The following CPT1C variants were observed in gnomAD, a reference collection of about 807,000 sequenced individuals.
CPT1C encodes palmitoyl thioesterase CPT1C.
In CPT1C, 61 loss-of-function variants were observed where a neutral mutation model predicts 97.3. The ratio of observed to expected loss-of-function variants is 0.63; its 90% CI spans 0.51 to 0.78. The LOEUF (loss-of-function observed/expected upper bound fraction) is 0.78, where lower values mean the gene tolerates loss of function less well. Among genes scored for constraint, CPT1C ranks in the 30% least tolerant of loss-of-function variants. CPT1C has a pLI of 0.00. For synonymous variants in CPT1C, 469 were observed against 447.2 expected (o/e 1.05, Z -0.61); for missense variants, 975 against 1,065.5 (o/e 0.92, Z 1.18).
intron 3 of CPT1C, among the ~76,000 whole-genome samples, chr19:49,695,090 G>C (rs557852391): frequency 6.7e-6 from 1 of 150,098 alleles, no homozygotes; most frequent in Non-Finnish European, 1.5e-5. Context: ...GCAGTGAGCC[G>C]AGATCGTGCC....
chr19:49,712,643 A>G (rs1016708867), intron 17 of CPT1C, 93 bp from the exon 18 acceptor site: 1 of 833,860 alleles, frequency 1.2e-6, no homozygotes, highest in East Asian at 2.8e-5. Context: ...ATTTACGGGT[A>G]AAAAAAAAGC....
At chr19:49,713,371 A>AGGATCCCATCTCCCAGCTTCCC (rs765455790) in intron 19 of CPT1C, 49 bp from the exon 20 acceptor site, 1 of 1,527,596 alleles carries the variant, frequency 6.5e-7, no homozygotes, top group Admixed American at 1.9e-5. Flanking sequence ...CTCAGCCTCC[A>AGGATCCCATCTCCCAGCTTCCC]GGATCCCATC....
At chr19:49,699,787 T>C (rs1404693087) in intron 4 of CPT1C, among the ~76,000 whole-genome samples, 3 of 152,106 alleles carry the variant, frequency 2.0e-5, no homozygotes, top group Non-Finnish European at 2.9e-5. Flanking sequence ...AAACCCTCTC[T>C]ACTAAAAATG....
chr19:49,701,889 T>TACAA (rs2083094181), intron 7 of CPT1C, among the ~76,000 whole-genome samples: 2 of 110,496 alleles, frequency 1.8e-5, no homozygotes, highest in South Asian at 4.8e-4. Context: ...AATATATATA[T>TACAA]TTATTTATAA....
intron 3 of CPT1C, among the ~76,000 whole-genome samples, chr19:49,693,627 A>G (rs1287369689): frequency 6.6e-6 from 1 of 152,156 alleles, no homozygotes. Context: ...GCAGATATCA[A>G]CAGACAGAAT....
chr19:49,701,249 C>A, intron 5 of CPT1C, 68 bp from the exon 6 acceptor site: 2 of 1,351,878 alleles, frequency 1.5e-6, no homozygotes, highest in Admixed American at 4.0e-5. Flanking sequence ...GTCCCACTGT[C>A]GACCCCTGCC....
chr19:49,708,870 A>G, intron 14 of CPT1C, 31 bp downstream of exon 14: 1 of 1,388,092 alleles, frequency 7.2e-7, no homozygotes, highest in Non-Finnish European at 1.0e-6. Context: ...CTCTCCTCCA[A>G]GTCCCAAGAT....
chr19:49,709,848 G>A (rs1255072524), intron 14 of CPT1C, among the ~76,000 whole-genome samples: 3 of 146,652 alleles, frequency 2.0e-5, no homozygotes, highest in Non-Finnish European at 3.0e-5. Flanking sequence ...GAGCCACCGC[G>A]CCCGGCATTT....
chr19:49,699,097 C>T (rs1028595063), intron 4 of CPT1C, among the ~76,000 whole-genome samples: 6 of 151,694 alleles, frequency 4.0e-5, no homozygotes, highest in South Asian at 2.1e-4. Context: ...AGAGAGACTC[C>T]GTCTCAATTA....
At position 49,710,430 on chromosome 19, in the gene CPT1C, C is replaced by G; in HGVS notation, c.1677C>G (p.Cys559Trp). 2 of 1,614,198 alleles carry G rather than the reference C, an allele frequency of 1.2e-6. No individual in the cohort carries two copies. The highest frequency in any genetic ancestry group is 1.7e-6 in the Non-Finnish European group (2 of 1,180,048). The change falls in exon 15 of 20, where the codon TGC becomes TGG. Residue 559 changes from cysteine to tryptophan, a missense_variant. Around this residue, in one of 3 missense-constraint regions of CPT1C, gnomAD observed 344 missense variants for 395.7 expected, o/e 0.87. Transcript: ENST00000598293. ...TTGGCAAGAGCTTCATCCGACGCTG[C>G]CACCTCTCTTCAGACAGCTTCATCC... ...SLFGKSFIRR[C>W]HLSSDSFIQI...
chr19:49,700,916 C>T (rs1261799212), intron 5 of CPT1C, 61 bp downstream of exon 5: 1 of 1,549,360 alleles, frequency 6.5e-7, no homozygotes, highest in Non-Finnish European at 8.8e-7. Flanking sequence ...ATTCCCCTCT[C>T]TCTGGGTCTC....
intron 17 of CPT1C, 98 bp downstream of exon 17, chr19:49,712,059 A>G: frequency 6.9e-7 from 1 of 1,441,144 alleles, no homozygotes. Context: ...AGGACCCATC[A>G]AGGCCGGGCA....
chr19:49,708,773 C>T lies in CPT1C; in HGVS notation c.1500C>T (p.His500=), dbSNP rs2083661143. The change falls in exon 14 of 20, where the codon CAC becomes CAT. Residue 500 remains histidine (H), a synonymous_variant. Coordinates refer to ENST00000598293, the MANE Select transcript of CPT1C (RefSeq NM_001199753.2). ...AGCTGGGCTACTCAACAGACGGCCACTGCAAGGGGCACCCGGACCCCACAC... is the reference window on the plus strand; with the variant it reads ...AGCTGGGCTACTCAACAGACGGCCATTGCAAGGGGCACCCGGACCCCACAC... ...CFQLGYSTDG[H]CKGHPDPTLP... is the part of the protein sequence containing the mutation. 6.2e-7 allele frequency: 1 copy of T among 1,614,052 alleles called. No individual in the cohort carries two copies. The highest frequency in any genetic ancestry group is 8.5e-7 in the Non-Finnish European group (1 of 1,179,996).
chr19:49,702,046 T>C, intron 7 of CPT1C, among the ~76,000 whole-genome samples: 1 of 93,028 alleles, frequency 1.1e-5, no homozygotes, highest in South Asian at 2.8e-4. Flanking sequence ...TATTTATTTA[T>C]AAATTATAAA....
intron 10 of CPT1C, among the ~76,000 whole-genome samples, chr19:49,705,575 C>A (rs768786440): frequency 6.6e-6 from 1 of 151,978 alleles, no homozygotes; most frequent in Non-Finnish European, 1.5e-5. Context: ...CCTAGGGCAA[C>A]GTAGTGAGAT....
rs764830492 is a variant in CPT1C at position 49,697,323 on chromosome 19, C to A, written c.142-3C>A. Reference sequence around the variant, plus strand: ...TTCAATGGATGCCCTTTCCTCCCCACAGAATGACTTTCTCACCGGTGTGTT... The same window carrying A: ...TTCAATGGATGCCCTTTCCTCCCCAAAGAATGACTTTCTCACCGGTGTGTT... On this transcript the variant is annotated splice_polypyrimidine_tract_variant and splice_region_variant and intron_variant, in intron 3 of 19. Coordinates refer to ENST00000598293, the MANE Select transcript of CPT1C (RefSeq NM_001199753.2). 6.2e-6 allele frequency: 10 copies of A among 1,613,894 alleles called. No individual in the cohort carries two copies. The highest frequency in any genetic ancestry group is 8.5e-6 in the Non-Finnish European group (10 of 1,180,018).
Position 49,704,781 on chromosome 19 carries a change from C to T in CPT1C, c.765C>T (p.Tyr255=). The change falls in exon 8 of 20, where the codon TAC becomes TAT. Residue 255 remains tyrosine (Y), a synonymous_variant. Coordinates refer to ENST00000598293, the MANE Select transcript of CPT1C (RefSeq NM_001199753.2). ...RNPLMVNSNY[Y]MMDFLYVTPT... ...CGCTGATGGTGAACAGCAACTATTA[C>T]ATGATGGTGAGAAGGGGAGGGGTGA... 1 of 1,613,926 alleles carries T rather than the reference C, an allele frequency of 6.2e-7. No homozygotes were observed. Among genetic ancestry groups the T allele is most frequent in the East Asian group, 2.2e-5 (1 of 44,874 alleles).
chr19:49,708,039 CTG>C lies in CPT1C; in HGVS notation c.1449+417_1449+418del, dbSNP rs905510321. On this transcript the variant is annotated intron_variant, in intron 13 of 19. Coordinates refer to ENST00000598293, the MANE Select transcript of CPT1C (RefSeq NM_001199753.2). ...AAAAAAAAAAAAAAGAAAAGAAAAA[CTG>C]AGGCTCAGGGAGAGGCAGAGGCTGG... Among the ~76,000 whole-genome samples, 50 of 133,746 alleles carry C rather than the reference CTG, an allele frequency of 3.7e-4. No individual in the cohort carries two copies. In the South Asian group the frequency reaches 4.2e-3, roughly 11 times the overall value. 87.7% of individuals were successfully genotyped at this position (133,746 alleles called of 152,430 possible).
chr19:49,692,032 C>G lies in CPT1C; in HGVS notation c.-15+143C>G, dbSNP rs556903465. The stretch of plus-strand genomic sequence containing the variant: ...AGGGAGGAGGGGCTGGGGGCCTGGA[C>G]TCCTGGATCTGAGAGAGGAGGGGCT... On this transcript the variant is annotated intron_variant, in intron 2 of 19. Coordinates refer to ENST00000598293, the MANE Select transcript of CPT1C (RefSeq NM_001199753.2). The G allele has an allele frequency of 2.8e-4, 144 of 518,660 alleles. 1 individual carries two copies. The South Asian group carries it at 3.1e-3, about 11-fold the overall frequency. 32.1% of individuals were successfully genotyped at this position (518,660 alleles called of 1,614,324 possible). A position where few individuals can be genotyped will look rare whatever the true frequency, so the allele number is the denominator to read the frequency against.
Sources: allele counts gnomAD v4.1 joint callset (sites outside exome capture counted in the v4.1 genomes callset), GRCh38; gene constraint gnomAD v4.1.1; regional missense constraint gnomAD v4.1.1; transcripts MANE v1.5; gene names NCBI Gene and HGNC (gene_info 2026-07-23, HGNC 2026-07-21).